The following TNNI3K variants were observed in gnomAD, a reference collection of about 807,000 sequenced individuals.
TNNI3K encodes serine/threonine-protein kinase TNNI3K.
In TNNI3K, 140 loss-of-function variants were observed where a neutral mutation model predicts 114.5. The ratio of observed to expected loss-of-function variants is 1.22; its 90% CI spans 1.07 to 1.41. TNNI3K has a LOEUF of 1.41. Among genes scored for constraint, TNNI3K ranks in the 40% most tolerant of loss-of-function variants. The pLI is 0.00. For synonymous variants in TNNI3K, 347 were observed against 347.5 expected, an observed-to-expected ratio of 1.00 and a Z score of 0.02; for missense variants, 1,125 against 1,007.6, an observed-to-expected ratio of 1.12 and a Z score of -1.58.
At chr1:74,235,915 T>G (rs1453702783) in intron 1 of TNNI3K, among the ~76,000 whole-genome samples, 187 bp from the exon 2 acceptor site, 1 of 151,678 alleles carries the variant, frequency 6.6e-6, no homozygotes, top group Non-Finnish European at 1.5e-5. Flanking sequence ...GGTTCTTCAT[T>G]ACTACAATTC....
intron 23 of TNNI3K, among the ~76,000 whole-genome samples, chr1:74,539,311 T>C (rs1353939296): frequency 6.6e-6 from 1 of 152,138 alleles, no homozygotes; most frequent in Non-Finnish European, 1.5e-5. Flanking sequence ...AGAACTGGCT[T>C]GGGTGCTGGG....
At chr1:74,345,521 TGAAA>T (rs1229919737) in intron 9 of TNNI3K, among the ~76,000 whole-genome samples, 1 of 152,158 alleles carries the variant, frequency 6.6e-6, no homozygotes, top group African/African-American at 2.4e-5. Context: ...TGATATTTCA[TGAAA>T]GAAAAATGAC....
intron 21 of TNNI3K, chr1:74,481,095 C>T (rs1215398182): frequency 1.7e-6 from 1 of 572,726 alleles, no homozygotes; most frequent in African/African-American, 1.9e-5. Context: ...ATAAACAATA[C>T]AAAAAATGAA....
intron 5 of TNNI3K, among the ~76,000 whole-genome samples, chr1:74,326,442 G>T (rs1207107696): frequency 6.6e-6 from 1 of 152,060 alleles, no homozygotes; most frequent in East Asian, 1.9e-4. Context: ...TAACAGTGAG[G>T]CCCTTTGTTA....
chr1:74,273,488 T>C (rs1437152212), intron 5 of TNNI3K, among the ~76,000 whole-genome samples: 2 of 152,006 alleles, frequency 1.3e-5, no homozygotes, highest in Non-Finnish European at 2.9e-5. Flanking sequence ...AACCTCTTAA[T>C]GCCAGGAAAA....
intron 23 of TNNI3K, among the ~76,000 whole-genome samples, chr1:74,499,463 A>C (rs1012158039): frequency 3.3e-5 from 5 of 152,146 alleles, no homozygotes; most frequent in Non-Finnish European, 5.9e-5. Context: ...ATGTTGTTGT[A>C]ATTGTTCTAT....
chr1:74,254,251 C>T (rs1001706540), intron 4 of TNNI3K, among the ~76,000 whole-genome samples: 6 of 152,084 alleles, frequency 3.9e-5, no homozygotes, highest in South Asian at 2.1e-4. Context: ...AGAAAATTCA[C>T]TTACATAACT....
At chr1:74,393,776 G>C (rs1031087910) in intron 17 of TNNI3K, among the ~76,000 whole-genome samples, 1 of 152,138 alleles carries the variant, frequency 6.6e-6, no homozygotes, top group African/African-American at 2.4e-5. Flanking sequence ...AATAGTTTCA[G>C]GATGAAACTA....
Position 74,544,006 on chromosome 1 carries a change from A to G in TNNI3K, c.*24A>G, listed in dbSNP as rs781318955. 1 of 1,603,284 alleles carries G rather than the reference A, an allele frequency of 6.2e-7. No homozygotes were observed. The highest frequency in any genetic ancestry group is 8.5e-7 in the Non-Finnish European group (1 of 1,175,992). ...GACAGCATTCGGCGTATACCTAAGG[A>G]GAGTTTTTTCCCCGAACTGACAGCA... On this transcript the variant is annotated 3_prime_UTR_variant, in exon 25 of 25. Transcript: ENST00000326637.
intron 21 of TNNI3K, among the ~76,000 whole-genome samples, chr1:74,464,409 T>C (rs187088339): frequency 2.0e-5 from 3 of 152,308 alleles, no homozygotes; most frequent in Admixed American, 6.5e-5. Flanking sequence ...GAGGACCTCA[T>C]ATGTAAAGAC....
At chr1:74,292,647 T>C (rs61776172) in intron 5 of TNNI3K, among the ~76,000 whole-genome samples, 44,933 of 151,402 alleles carry the variant, frequency 0.3, 7,613 homozygotes, top group East Asian at 0.56. Flanking sequence ...ATGTTCCCTT[T>C]ATTCTTGAAG....
intron 23 of TNNI3K, among the ~76,000 whole-genome samples, chr1:74,496,532 T>A (rs1669334014): frequency 6.6e-6 from 1 of 152,186 alleles, no homozygotes; most frequent in African/African-American, 2.4e-5. Flanking sequence ...TTTTTGGTCA[T>A]GAAGTTCACA....
At chr1:74,253,488 C>T (rs1044177233) in intron 4 of TNNI3K, among the ~76,000 whole-genome samples, 3 of 152,160 alleles carry the variant, frequency 2.0e-5, no homozygotes, top group African/African-American at 4.8e-5. Context: ...CCCTGCCGCA[C>T]GGGGAGGCAG....
chr1:74,236,063 C>A (rs761881144), intron 1 of TNNI3K, 39 bp from the exon 2 acceptor site: 2 of 1,564,732 alleles, frequency 1.3e-6, no homozygotes, highest in Non-Finnish European at 1.7e-6. Context: ...TTTTGCAAAA[C>A]ACAACTATGA....
chr1:74,437,357 G>A (rs1247898334), intron 19 of TNNI3K, among the ~76,000 whole-genome samples: 1 of 151,906 alleles, frequency 6.6e-6, no homozygotes, highest in Non-Finnish European at 1.5e-5. Flanking sequence ...TCATTCCTAT[G>A]GAGCTAATAT....
intron 21 of TNNI3K, chr1:74,475,625 T>A: frequency 1.4e-6 from 1 of 717,262 alleles, no homozygotes; most frequent in South Asian, 1.5e-5. Context: ...ATGACCTTTA[T>A]CTCGTTTTCC....
intron 17 of TNNI3K, among the ~76,000 whole-genome samples, chr1:74,399,743 G>A (rs908886000): frequency 6.6e-6 from 1 of 152,152 alleles, no homozygotes; most frequent in Non-Finnish European, 1.5e-5. Context: ...TGTTATTGGG[G>A]GTGGATGTGG....
intron 20 of TNNI3K, among the ~76,000 whole-genome samples, chr1:74,443,288 G>A (rs1315560072): frequency 6.6e-6 from 1 of 151,824 alleles, no homozygotes; most frequent in Non-Finnish European, 1.5e-5. Flanking sequence ...GAAGAAAAGA[G>A]AATAATCAAA....
intron 23 of TNNI3K, among the ~76,000 whole-genome samples, chr1:74,501,099 G>T (rs1309605641): frequency 6.6e-6 from 1 of 151,836 alleles, no homozygotes; most frequent in East Asian, 1.9e-4. Flanking sequence ...ATTCTAGTTG[G>T]ATATTTTTTA....
Sources: allele counts gnomAD v4.1 joint callset (sites outside exome capture counted in the v4.1 genomes callset), GRCh38; gene constraint gnomAD v4.1.1; transcripts MANE v1.5; gene names NCBI Gene and HGNC (gene_info 2026-07-23, HGNC 2026-07-21).